The following ARHGAP5 variants were observed in gnomAD, a reference collection of about 807,000 sequenced individuals.
ARHGAP5 encodes Rho GTPase activating protein 5, also known as rho GTPase-activating protein 5.
In ARHGAP5, 23 loss-of-function variants were observed where a neutral mutation model predicts 116.6. The observed-to-expected ratio is 0.20, with a 90% confidence interval of 0.14 to 0.28. The LOEUF (loss-of-function observed/expected upper bound fraction) is 0.28, where lower values mean the gene tolerates loss of function less well. Among genes scored for constraint, ARHGAP5 ranks in the 10% least tolerant of loss-of-function variants. The probability of loss-of-function intolerance (pLI) is 1.00; values close to 1 mark genes in which losing one functional copy is unlikely to be tolerated. For missense variants in ARHGAP5, 1,405 were observed against 1,774.8 expected (o/e 0.79, Z 3.74); for synonymous variants, 574 against 602.0 (o/e 0.95, Z 0.68).
At chr14:32,106,812 C>T (rs1240555643) in intron 2 of ARHGAP5, among the ~76,000 whole-genome samples, 1 of 152,162 alleles carries the variant, frequency 6.6e-6, no homozygotes, top group Non-Finnish European at 1.5e-5. Context: ...ATAGTATTAA[C>T]AAGTGCCTAA....
Position 32,090,858 on chromosome 14 carries a change from A to G in ARHGAP5, c.189A>G (p.Gly63=). ...CTGTGCTTAGCACCATTGACTTTGG[A>G]GGACGAGTAGTAAACAATGATCACT... is the stretch of plus-strand genomic sequence containing the variant. ...HTSVLSTIDF[G]GRVVNNDHFL... is the part of the protein sequence containing the mutation. The change falls in exon 2 of 7, where the codon GGA becomes GGG. Residue 63 remains glycine (G), a synonymous_variant. Transcript: ENST00000345122. 6.2e-7 allele frequency: 1 copy of G among 1,613,646 alleles called. No individual in the cohort carries two copies. Among genetic ancestry groups the G allele is most frequent in the Non-Finnish European group, 8.5e-7 (1 of 1,179,640 alleles).
chr14:32,109,654 G>GT (rs1306550462), intron 2 of ARHGAP5, among the ~76,000 whole-genome samples: 7 of 151,974 alleles, frequency 4.6e-5, no homozygotes, highest in Non-Finnish European at 8.8e-5. Flanking sequence ...TCCAGTGTAA[G>GT]TTTTTTTTAG....
intron 1 of ARHGAP5, among the ~76,000 whole-genome samples, chr14:32,084,130 G>A (rs2041805421): frequency 6.6e-6 from 1 of 152,202 alleles, no homozygotes; most frequent in Non-Finnish European, 1.5e-5. Context: ...TAATAGGGTA[G>A]AAGTTAATGT....
At chr14:32,132,222 T>G (rs1434214658) in intron 3 of ARHGAP5, among the ~76,000 whole-genome samples, 4 of 152,220 alleles carry the variant, frequency 2.6e-5, no homozygotes, top group African/African-American at 9.6e-5. Flanking sequence ...GTGTTCCTAT[T>G]TCTCCACATC....
intron 3 of ARHGAP5, among the ~76,000 whole-genome samples, chr14:32,121,926 T>C (rs1157244932): frequency 3.9e-5 from 6 of 152,250 alleles, no homozygotes; most frequent in Non-Finnish European, 5.9e-5. Context: ...AATTTCTTTT[T>C]ATTGCTGAAT....
At chr14:32,148,163 AATCT>A (rs71441707) in intron 4 of ARHGAP5, among the ~76,000 whole-genome samples, 13,443 of 147,466 alleles carry the variant, frequency 0.091, 847 homozygotes, top group Admixed American at 0.23. Flanking sequence ...AAAAAAAAGA[AATCT>A]ATCTATCTAT....
chr14:32,109,225 C>T (rs1879167459), intron 2 of ARHGAP5, among the ~76,000 whole-genome samples: 1 of 151,934 alleles, frequency 6.6e-6, no homozygotes, highest in South Asian at 2.1e-4. Context: ...GATCCTGTTA[C>T]ATTTATATTT....
chr14:32,107,630 A>G (rs1879077837), intron 2 of ARHGAP5, among the ~76,000 whole-genome samples: 1 of 152,220 alleles, frequency 6.6e-6, no homozygotes. Context: ...GTAAAGGAAA[A>G]GAGAAAACCA....
At chr14:32,131,335 T>A in intron 3 of ARHGAP5, among the ~76,000 whole-genome samples, 1 of 152,078 alleles carries the variant, frequency 6.6e-6, no homozygotes, top group South Asian at 2.1e-4. Context: ...TTAATTTTGT[T>A]AAAATCAATT....
At chr14:32,112,331 G>A (rs1015012516) in intron 2 of ARHGAP5, among the ~76,000 whole-genome samples, 1 of 152,164 alleles carries the variant, frequency 6.6e-6, no homozygotes, top group African/African-American at 2.4e-5. Flanking sequence ...GACCCTTTGT[G>A]TTGCTGGTAT....
chr14:32,122,001 A>G (rs942945288), intron 3 of ARHGAP5, among the ~76,000 whole-genome samples: 17 of 152,192 alleles, frequency 1.1e-4, no homozygotes, highest in African/African-American at 3.1e-4. Context: ...GCTGCTGTGA[A>G]CATTACTTTC....
intron 3 of ARHGAP5, among the ~76,000 whole-genome samples, chr14:32,141,725 C>T (rs1881134559): frequency 6.6e-6 from 1 of 152,104 alleles, no homozygotes; most frequent in Non-Finnish European, 1.5e-5. Flanking sequence ...TTTCGTTTAT[C>T]TAAGAGTATC....
At chr14:32,117,780 T>G (rs191109110) in intron 3 of ARHGAP5, among the ~76,000 whole-genome samples, 73 of 152,334 alleles carry the variant, frequency 4.8e-4, no homozygotes, top group Middle Eastern at 3.4e-3. Context: ...TTATATGATT[T>G]GAGTTGTATT....
rs568896948 is a variant in ARHGAP5 at position 32,135,887 on chromosome 14, T to C, written c.3866-10376T>C. ...CCAAATGATCAAATAATTATTTAAT[T>C]TTTTGATAACTGATGAATGTAGGAT... is the stretch of plus-strand genomic sequence containing the variant. On this transcript the variant is annotated intron_variant, in intron 3 of 6. Transcript: ENST00000345122. 2.0e-5 allele frequency among the ~76,000 whole-genome samples: 3 copies of C among 152,364 alleles called. No homozygotes were observed. In the East Asian group the frequency reaches 5.8e-4, roughly 29 times the overall value.
rs553109584 is a variant in ARHGAP5 at position 32,084,116 on chromosome 14, T to A, written c.-168-6386T>A. The stretch of plus-strand genomic sequence containing the variant: ...CATGTTATCAGAGTAGGGTGTACAT[T>A]AAATAATAGGGTAGAAGTTAATGTG... On this transcript the variant is annotated intron_variant, in intron 1 of 6. Transcript: ENST00000345122. Among the ~76,000 whole-genome samples the A allele has an allele frequency of 3.4e-3, 521 of 152,294 alleles. 3 individuals carry two copies. The highest frequency in any genetic ancestry group is 5.0e-3 in the Non-Finnish European group (340 of 68,028).
intron 6 of ARHGAP5, 136 bp from the exon 7 acceptor site, chr14:32,154,485 C>A: frequency 1.2e-6 from 1 of 808,370 alleles, no homozygotes. Flanking sequence ...AAAGATGCTT[C>A]TTTATGCAAA....
At chr14:32,140,338 T>G (rs888480105) in intron 3 of ARHGAP5, among the ~76,000 whole-genome samples, 9 of 151,768 alleles carry the variant, frequency 5.9e-5, no homozygotes, top group African/African-American at 2.2e-4. Flanking sequence ...TCCCAGCACT[T>G]TGGGAGGCCG....
At position 32,131,507 on chromosome 14, in the gene ARHGAP5, C is replaced by A. The variant is rs193204149; in HGVS notation, c.3865+14220C>A. On this transcript the variant is annotated intron_variant, in intron 3 of 6. Transcript: ENST00000345122. Reference sequence around the variant, plus strand: ...TATTTTTATGAAACGCCAACCCCCCCATTTCTCCCTTCCTCCAGCCACTGG... The same window carrying A: ...TATTTTTATGAAACGCCAACCCCCCAATTTCTCCCTTCCTCCAGCCACTGG... Among the ~76,000 whole-genome samples, 72 of 152,268 alleles carry A rather than the reference C, an allele frequency of 4.7e-4. 1 individual carries two copies. Among genetic ancestry groups the A allele is most frequent in the South Asian group, 1.2e-3 (6 of 4,816 alleles).
intron 3 of ARHGAP5, among the ~76,000 whole-genome samples, chr14:32,139,627 T>C (rs1202409247): frequency 6.6e-6 from 1 of 151,940 alleles, no homozygotes; most frequent in African/African-American, 2.4e-5. Context: ...TAAAGGTTTG[T>C]CAATTTAATC....
Sources: gnomAD v4.1 joint callset for allele counts (sites outside exome capture counted in the v4.1 genomes callset) on GRCh38, gnomAD v4.1.1 for gene constraint, MANE v1.5 for transcripts, NCBI Gene and HGNC (gene_info 2026-07-23, HGNC 2026-07-21) for gene names.